SHC1: variants seen among roughly 807,000 people sequenced by gnomAD.
The protein encoded by SHC1 is SHC adaptor protein 1, also known as SHC-transforming protein 1.
Under a neutral mutation model 55.9 loss-of-function variants are expected in SHC1, and 30 were observed. The ratio of observed to expected loss-of-function variants is 0.54; its 90% CI spans 0.40 to 0.73. The LOEUF is 0.73. Ranked by LOEUF, SHC1 falls within the 30% of genes least tolerant of loss-of-function variation. SHC1 has a pLI of 0.00. For synonymous variants in SHC1, 309 were observed against 306.1 expected (o/e 1.01, Z -0.10); for missense variants, 675 against 777.1 (o/e 0.87, Z 1.56).
At chr1:154,964,650 G>A (rs1326435568) in intron 11 of SHC1, among the ~76,000 whole-genome samples, 1 of 152,106 alleles carries the variant, frequency 6.6e-6, no homozygotes, top group East Asian at 1.9e-4. Flanking sequence ...TTCCTGACTA[G>A]AGACAAGGTC....
At chr1:154,973,065 G>A (rs1198370987), upstream of SHC1, among the ~76,000 whole-genome samples, 1 of 152,178 alleles carries the variant, frequency 6.6e-6, no homozygotes, top group African/African-American at 2.4e-5. Context: ...TGTCTAGGAA[G>A]GCCTAGAGCT....
chr1:154,970,667 A>G lies in SHC1; in HGVS notation c.-141T>C. The G allele has an allele frequency of 1.7e-6, 1 of 592,654 alleles. No homozygotes were observed. Among genetic ancestry groups the G allele is most frequent in the South Asian group, 2.1e-5 (1 of 47,924 alleles). The allele number at this position is 592,654 out of a possible 1,614,324, so 36.7% of individuals were successfully genotyped here. On this transcript the variant is annotated 5_prime_UTR_variant, in exon 1 of 12. Transcript: ENST00000448116. The surrounding 1 kb of genome is among the most constrained non-coding windows in gnomAD (Gnocchi z 5.5). ...AGTCACAGAAGTCCTGGGGAGGGAG[A>G]GGGACAAGTGGCTTCCGCTCCCCAG...
At chr1:154,974,078 T>A (rs983658535), upstream of SHC1, among the ~76,000 whole-genome samples, 15 of 150,316 alleles carry the variant, frequency 1.0e-4, no homozygotes, top group Non-Finnish European at 5.9e-5. Flanking sequence ...AGACAAAAAA[T>A]AAAAATCAAG....
chr1:154,967,892 A>G, intron 6 of SHC1, 88 bp downstream of exon 6: 2 of 1,604,014 alleles, frequency 1.2e-6, no homozygotes, highest in African/African-American at 1.3e-5. Context: ...CCCCACTGAG[A>G]TCTACTTAGA....
rs777879651 is a variant in SHC1, at chr1:154,968,539, C to T, written c.706G>A (p.Val236Ile). ...KFAGMPITLT[V>I]STSSLNLMAA... Reference sequence around the variant, plus strand: ...ATGAGGTTGAGGCTGCTGGTGGAGACGGTGAGAGTGATTGGCATTCCAGCA... The same window carrying T: ...ATGAGGTTGAGGCTGCTGGTGGAGATGGTGAGAGTGATTGGCATTCCAGCA... Residue 236 changes from valine to isoleucine, a missense_variant, in exon 4 of 12, where the codon GTC becomes ATC. Around this residue, in one of 3 missense-constraint regions of SHC1, gnomAD observed 159 missense variants for 246.9 expected, o/e 0.64. Transcript: ENST00000448116. 2 of 1,613,974 alleles carry T rather than the reference C, an allele frequency of 1.2e-6. No homozygotes were observed. The highest frequency in any genetic ancestry group is 1.3e-5 in the African/African-American group (1 of 74,888).
At chr1:154,968,362 C>T (rs2102108814) in intron 4 of SHC1, 105 bp from the exon 5 acceptor site, 2 of 1,542,596 alleles carry the variant, frequency 1.3e-6, no homozygotes, top group Middle Eastern at 1.8e-4. Context: ...GGTTCCTTAT[C>T]CCATATCCTC....
chr1:154,969,043 A>G lies in SHC1; in HGVS notation c.567-209T>C. The stretch of plus-strand genomic sequence containing the variant: ...TGATTGGGTTAGGGCCTCAATGGGT[A>G]TAGCCCCACCCCCTTCCAGCTACCA... On this transcript the variant is annotated intron_variant, in intron 2 of 11. Transcript: ENST00000448116. 2.0e-5 allele frequency: 12 copies of G among 612,132 alleles called. No individual in the cohort carries two copies. The East Asian group carries it at 3.3e-4, about 17-fold the overall frequency. 37.9% of individuals were successfully genotyped at this position (612,132 alleles called of 1,614,324 possible).
chr1:154,964,260 G>A (rs958138676), intron 11 of SHC1: 1 of 482,936 alleles, frequency 2.1e-6, no homozygotes. Context: ...TGGAGGCTGG[G>A]CATGGTGGTC....
intron 1 of SHC1, 142 bp downstream of exon 1, chr1:154,969,890 G>T: frequency 1.1e-6 from 1 of 943,586 alleles, no homozygotes; most frequent in Non-Finnish European, 1.6e-6. Context: ...AATCGGGGAA[G>T]GGATGAGAAA....
chr1:154,966,506 A>G lies in SHC1; in HGVS notation c.995T>C (p.Phe332Ser). 6.3e-7 allele frequency: 1 copy of G among 1,594,382 alleles called. No homozygotes were observed. Among genetic ancestry groups the G allele is most frequent in the South Asian group, 1.1e-5 (1 of 87,980 alleles). ...CTCCTCATCCCATGCTGAGCCATCAAAGCCAGCCATCCTGAGGGACAGGAC... is the reference window on the plus strand; with the variant it reads ...CTCCTCATCCCATGCTGAGCCATCAGAGCCAGCCATCCTGAGGGACAGGAC... Reference protein sequence around the residue: ...LVTPHDRMAGFDGSAWDEEEE... With the variant: ...LVTPHDRMAGSDGSAWDEEEE... Residue 332 changes from phenylalanine to serine, a missense_variant, in exon 8 of 12, where the codon TTT becomes TCT. By Grantham distance (155) the Phe-to-Ser change is radical. This residue lies in a region of SHC1 where 360 missense variants were observed against 371.1 expected (regional missense o/e 0.97). Coordinates refer to ENST00000448116, the MANE Select transcript of SHC1 (RefSeq NM_001130040.2).
chr1:154,971,232 C>A (rs373068859), upstream of SHC1, among the ~76,000 whole-genome samples: 1 of 152,280 alleles, frequency 6.6e-6, no homozygotes, highest in East Asian at 1.9e-4. Context: ...CAGGCCACCC[C>A]CAACCGCTAC....
chr1:154,970,725 G>A lies in SHC1; in HGVS notation c.-199C>T, dbSNP rs898153509. The A allele has an allele frequency of 1.0e-5, 5 of 500,836 alleles. No individual in the cohort carries two copies. In the African/African-American group the frequency reaches 1.0e-4, roughly 10 times the overall value. 31.0% of individuals were successfully genotyped at this position (500,836 alleles called of 1,614,324 possible). A position where few individuals can be genotyped will look rare whatever the true frequency, so the allele number is the denominator to read the frequency against. On this transcript the variant is annotated 5_prime_UTR_variant, in exon 1 of 12. Coordinates refer to ENST00000448116, the MANE Select transcript of SHC1 (RefSeq NM_001130040.2). This position sits in a 1 kb window ranked among gnomAD's most constrained non-coding sequence, Gnocchi z 5.5. ...CCAGACAGTTTCAGGCCCCATCCCC[G>A]CCCAACGTGGAGCCTCTTCTCTGGC...
chr1:154,969,344 C>A, intron 2 of SHC1, 34 bp downstream of exon 2: 1 of 1,499,306 alleles, frequency 6.7e-7, no homozygotes. Flanking sequence ...TCACTAATCC[C>A]AGGACTCCCA....
At chr1:154,973,699 G>T (rs1450576206), upstream of SHC1, among the ~76,000 whole-genome samples, 1 of 152,050 alleles carries the variant, frequency 6.6e-6, no homozygotes, top group African/African-American at 2.4e-5. Context: ...GAGTTTCAGG[G>T]ATTGACGACA....
intron 11 of SHC1, chr1:154,965,273 G>A (rs1655790690): frequency 7.2e-6 from 7 of 975,664 alleles, no homozygotes; most frequent in Non-Finnish European, 9.8e-6. Context: ...CTGACCTCAG[G>A]TGATTCACCT....
chr1:154,970,269 C>T lies in SHC1; in HGVS notation c.258G>A (p.Arg86=). Residue 86 remains arginine (R), a synonymous_variant, in exon 1 of 12, where the codon AGG becomes AGA. Transcript: ENST00000448116. The surrounding 1 kb of genome is among the most constrained non-coding windows in gnomAD (Gnocchi z 5.5). The stretch of plus-strand genomic sequence containing the variant: ...CGATCCCCTCCCCATCATCAGCTGC[C>T]CTTCCTGGCTCCCCCTTAGACCCTG... ...GRPGSKGEPG[R]AADDGEGIVG... is the part of the protein sequence containing the mutation. 1 of 1,609,922 alleles carries T rather than the reference C, an allele frequency of 6.2e-7. No individual in the cohort carries two copies.
intron 2 of SHC1, 181 bp from the exon 3 acceptor site, chr1:154,969,015 G>A: frequency 1.6e-6 from 1 of 633,566 alleles, no homozygotes; most frequent in Non-Finnish European, 2.8e-6. Flanking sequence ...GCCACTTCCT[G>A]GCTGATTGGG....
upstream of SHC1, among the ~76,000 whole-genome samples, chr1:154,972,108 C>A (rs1013770451): frequency 2.6e-5 from 4 of 151,778 alleles, no homozygotes; most frequent in Admixed American, 6.6e-5. Flanking sequence ...ATTAGCTGGG[C>A]GTGGTGGCGG....
At chr1:154,969,624 AAAAAG>A (rs1656477846) in intron 1 of SHC1, among the ~76,000 whole-genome samples, 176 bp from the exon 2 acceptor site, 1 of 152,212 alleles carries the variant, frequency 6.6e-6, no homozygotes, top group Admixed American at 6.5e-5. Context: ...GAATGAGGAG[AAAAAG>A]AAAAGGCAGG....
Sources: gnomAD v4.1 joint callset for allele counts (sites outside exome capture counted in the v4.1 genomes callset) on GRCh38, gnomAD v4.1.1 for gene constraint, gnomAD v4.1.1 regional missense constraint, Gnocchi (gnomAD v3.1) non-coding constraint, MANE v1.5 for transcripts, NCBI Gene and HGNC (gene_info 2026-07-23, HGNC 2026-07-21) for gene names.